Variants in EYA3 observed in about 807,000 individuals in gnomAD.
EYA3 encodes EYA transcriptional coactivator and phosphatase 3, also known as protein phosphatase EYA3.
EYA3 carries 39 observed loss-of-function variants against 80.0 expected under a neutral mutation model. The observed-to-expected ratio is 0.49, with a 90% CI of 0.38 to 0.64. EYA3 has a LOEUF of 0.64. Ranked by LOEUF, EYA3 falls within the 30% of genes least tolerant of loss-of-function variation. EYA3 has a pLI of 0.00. For missense variants in EYA3, 523 were observed against 676.1 expected, an observed-to-expected ratio of 0.77 and a Z score of 2.51; for synonymous variants, 206 against 232.8, an observed-to-expected ratio of 0.88 and a Z score of 1.05.
chr1:28,012,602 G>A lies in EYA3; in HGVS notation c.769+509C>T, dbSNP rs116718243. On this transcript the variant is annotated intron_variant, in intron 9 of 17. Transcript: ENST00000373871. Reference sequence around the variant, plus strand: ...AATCTTTTATGTCAAAGGTTTTTAAGTTGGACACTGTAATTCATTGATACA... The same window carrying A: ...AATCTTTTATGTCAAAGGTTTTTAAATTGGACACTGTAATTCATTGATACA... Among the ~76,000 whole-genome samples, 1,260 of 152,282 alleles carry A rather than the reference G, an allele frequency of 8.3e-3. 22 individuals are homozygous for A. Among genetic ancestry groups the A allele is most frequent in the African/African-American group, 0.029 (1,190 of 41,546 alleles).
At chr1:27,982,466 A>T (rs1571705758) in intron 16 of EYA3, among the ~76,000 whole-genome samples, 5 of 145,160 alleles carry the variant, frequency 3.4e-5, no homozygotes, top group African/African-American at 1.2e-4. Context: ...CTCTAGATTA[A>T]AAAAAAAAAA....
intron 10 of EYA3, among the ~76,000 whole-genome samples, chr1:28,005,442 A>G (rs550706544): frequency 9.8e-4 from 150 of 152,354 alleles, no homozygotes; most frequent in African/African-American, 3.6e-3. Flanking sequence ...GGCCAGGCAC[A>G]GTGGCTCACA....
In EYA3 at chr1:28,009,942, A is replaced by G. The variant is rs1641575572; in HGVS notation, c.909+1005T>C. Among the ~76,000 whole-genome samples, 2 of 152,228 alleles carry G rather than the reference A, an allele frequency of 1.3e-5. No homozygotes were observed. The highest frequency in any genetic ancestry group is 2.9e-5 in the Non-Finnish European group (2 of 68,042). The stretch of plus-strand genomic sequence containing the variant: ...AAATTGTACACTTAAAAATGGCTAA[A>G]ATGGTAAATTTTATGTATATTTTAG... On this transcript the variant is annotated intron_variant, in intron 10 of 17. Coordinates refer to ENST00000373871, the MANE Select transcript of EYA3 (RefSeq NM_001990.4). This position sits in a 1 kb window ranked among gnomAD's most constrained non-coding sequence, Gnocchi z 4.8.
chr1:28,042,893 C>T lies in EYA3; in HGVS notation c.78-243G>A, dbSNP rs184090372. On this transcript the variant is annotated intron_variant, in intron 3 of 17. Coordinates refer to ENST00000373871, the MANE Select transcript of EYA3 (RefSeq NM_001990.4). ...GGAGTCTCACTCTGTCACCCAGGCT[C>T]GAGTGCAGTGGCACGATCTCGGCTC... 6.9e-3 allele frequency among the ~76,000 whole-genome samples: 1,046 copies of T among 151,756 alleles called. 5 individuals are homozygous for T. The highest frequency in any genetic ancestry group is 0.011 in the Non-Finnish European group (713 of 67,872).
intron 11 of EYA3, among the ~76,000 whole-genome samples, chr1:28,001,925 AT>A (rs1364125095): frequency 1.4e-5 from 2 of 143,786 alleles, no homozygotes; most frequent in African/African-American, 2.6e-5. Context: ...TATTTTATTT[AT>A]TTTTTTGAGA....
At chr1:28,057,353 G>A (rs993366433) in intron 2 of EYA3, among the ~76,000 whole-genome samples, 2 of 151,798 alleles carry the variant, frequency 1.3e-5, no homozygotes, top group African/African-American at 4.8e-5. Flanking sequence ...AAATTGAATC[G>A]GTATTTACCA....
At chr1:28,059,380 C>T (rs1369080099) in intron 1 of EYA3, among the ~76,000 whole-genome samples, 2 of 152,224 alleles carry the variant, frequency 1.3e-5, no homozygotes, top group South Asian at 2.1e-4. Context: ...AGTTCTCCTA[C>T]TACATGACAC....
chr1:28,076,953 C>A (rs1268730428), intron 1 of EYA3, among the ~76,000 whole-genome samples: 2 of 150,818 alleles, frequency 1.3e-5, no homozygotes, highest in Non-Finnish European at 3.0e-5. Flanking sequence ...GTTGGTCAGG[C>A]TGGTCTCGAA....
At chr1:28,069,892 A>C (rs1459099089) in intron 1 of EYA3, among the ~76,000 whole-genome samples, 1 of 152,222 alleles carries the variant, frequency 6.6e-6, no homozygotes, top group Admixed American at 6.5e-5. Context: ...TTTAACACAC[A>C]TACAGAGAAG....
At chr1:28,002,739 G>C (rs1640959163) in intron 11 of EYA3, among the ~76,000 whole-genome samples, 1 of 152,004 alleles carries the variant, frequency 6.6e-6, no homozygotes, top group Non-Finnish European at 1.5e-5. Flanking sequence ...TTTAGCTCAA[G>C]AGATCGAAGC....
intron 1 of EYA3, among the ~76,000 whole-genome samples, chr1:28,059,887 T>C (rs2148902712): frequency 6.6e-6 from 1 of 152,152 alleles, no homozygotes; most frequent in Non-Finnish European, 1.5e-5. Context: ...CCTGGCTAAT[T>C]TTTGTATTTT....
intron 3 of EYA3, among the ~76,000 whole-genome samples, chr1:28,046,771 A>G (rs1402493917): frequency 6.6e-6 from 1 of 152,200 alleles, no homozygotes; most frequent in African/African-American, 2.4e-5. Flanking sequence ...TATGACAGAA[A>G]AAAGTGAGGA....
rs528475725 is a variant in EYA3, at chr1:27,970,978, T to C, written c.*3488A>G. 3 of 152,300 alleles carry C rather than the reference T, an allele frequency of 2.0e-5. No homozygotes were observed. Among genetic ancestry groups the C allele is most frequent in the African/African-American group, 7.2e-5 (3 of 41,560 alleles). The allele number at this position is 152,300 out of a possible 1,614,324, so 9.4% of individuals were successfully genotyped here. A position where few individuals can be genotyped will look rare whatever the true frequency, so the allele number is the denominator to read the frequency against. On this transcript the variant is annotated 3_prime_UTR_variant, in exon 18 of 18. Coordinates refer to ENST00000373871, the MANE Select transcript of EYA3 (RefSeq NM_001990.4). ...CTGCAGCTAGAGTTTGCAAGTCAGA[T>C]TCTATTTGGAATTTTAAAGCTGAGT...
rs1053293559 is a variant in EYA3 at position 28,043,894 on chromosome 1, G to A, written c.78-1244C>T. On this transcript the variant is annotated intron_variant, in intron 3 of 17. Coordinates refer to ENST00000373871, the MANE Select transcript of EYA3 (RefSeq NM_001990.4). ...AAAAATTATACGTTTGTTTCCAAGC[G>A]GGGGTTCTAAACCCTTAAGATTCAT... Among the ~76,000 whole-genome samples, 7 of 152,002 alleles carry A rather than the reference G, an allele frequency of 4.6e-5. No individual in the cohort carries two copies. The South Asian group carries it at 6.2e-4, about 14-fold the overall frequency.
chr1:27,989,760 A>G lies in EYA3; in HGVS notation c.1355T>C (p.Ile452Thr), dbSNP rs1639906942. Residue 452 changes from isoleucine (I) to threonine (T), a missense_variant, in exon 15 of 18, where the codon ATT becomes ACT. Transcript: ENST00000373871. ...TAACCAGGAATCTGTTAAAACTTCA[A>G]TTTCTGCTCTTAATCTCTGCAGTGC... ...KEALQRLRAE[I>T]EVLTDSWLGT... 1 of 1,612,024 alleles carries G rather than the reference A, an allele frequency of 6.2e-7. No individual in the cohort carries two copies.
chr1:27,994,306 G>T (rs1481479473), intron 13 of EYA3, among the ~76,000 whole-genome samples: 1 of 152,162 alleles, frequency 6.6e-6, no homozygotes, highest in African/African-American at 2.4e-5. Flanking sequence ...TCAGCCACAT[G>T]TCAGAGATTG....
chr1:27,977,538 A>T (rs533713585), intron 17 of EYA3: 19 of 832,232 alleles, frequency 2.3e-5, no homozygotes, highest in Admixed American at 5.8e-5. Context: ...TCTTTCATCT[A>T]TTGTTTCCTA....
intron 1 of EYA3, among the ~76,000 whole-genome samples, chr1:28,069,577 G>A: frequency 7.2e-6 from 1 of 139,160 alleles, no homozygotes; most frequent in Admixed American, 7.5e-5. Context: ...GAGAGAAGAA[G>A]AAGAAAAAAA....
intron 12 of EYA3, chr1:27,998,170 G>T: frequency 3.8e-6 from 1 of 260,172 alleles, no homozygotes; most frequent in Non-Finnish European, 6.0e-6. Flanking sequence ...CATATTCTTG[G>T]GTCCATCCCA....
Sources: gnomAD v4.1 joint callset for allele counts (sites outside exome capture counted in the v4.1 genomes callset) on GRCh38, gnomAD v4.1.1 for gene constraint, Gnocchi (gnomAD v3.1) non-coding constraint, MANE v1.5 for transcripts, NCBI Gene and HGNC (gene_info 2026-07-23, HGNC 2026-07-21) for gene names.